CEP63: variants seen among roughly 807,000 people sequenced by gnomAD.
CEP63 encodes centrosomal protein of 63 kDa.
A neutral mutation model predicts 89.1 loss-of-function variants in CEP63; 84 were observed. The observed-to-expected ratio is 0.94, with a 90% CI of 0.79 to 1.13. CEP63 has a LOEUF of 1.13. Among genes scored for constraint, CEP63 ranks in the 50% most tolerant of loss-of-function variants. CEP63 has a pLI of 0.00. For missense variants in CEP63, 838 were observed against 813.3 expected (o/e 1.03, Z -0.37); for synonymous variants, 267 against 272.5 (o/e 0.98, Z 0.20).
Position 134,507,226 on chromosome 3 carries a change from G to C in CEP63, c.162G>C (p.Leu54Phe), listed in dbSNP as rs762347472. The C allele has an allele frequency of 6.8e-6, 11 of 1,613,800 alleles. 1 individual carries two copies. In the South Asian group the frequency reaches 1.1e-4, roughly 16 times the overall value. ...EGRTHALETCLKIREQELKSL... is the reference protein window; with the variant it reads ...EGRTHALETCFKIREQELKSL... ...GTACACATGCTCTAGAAACTTGCTT[G>C]AAAATCCGTGAACAGGAACTTAAGA... The change falls in exon 3 of 15, where the codon TTG (leucine) becomes TTC (phenylalanine). Residue 54 changes from leucine to phenylalanine, a missense_variant. By Grantham distance (22) the Leu-to-Phe change is conservative. Transcript: ENST00000675561.
chr3:134,599,865 T>C, the CEP63 span, among the ~76,000 whole-genome samples: 1 of 152,252 alleles, frequency 6.6e-6, no homozygotes, highest in African/African-American at 2.4e-5. Context: ...TTTTTCCTGT[T>C]TCTCTCCATT....
chr3:134,648,073 G>A, the CEP63 span, among the ~76,000 whole-genome samples: 9 of 152,226 alleles, frequency 5.9e-5, no homozygotes, highest in Admixed American at 2.6e-4. Context: ...GAAAGCTCTC[G>A]CTCTGGCTGC....
chr3:134,743,453 G>C, the CEP63 span, among the ~76,000 whole-genome samples: 1 of 152,158 alleles, frequency 6.6e-6, no homozygotes, highest in Non-Finnish European at 1.5e-5. Context: ...TTTAAATCTA[G>C]GTCAGAGGTA....
chr3:134,765,560 C>T, the CEP63 span, among the ~76,000 whole-genome samples: 1 of 152,046 alleles, frequency 6.6e-6, no homozygotes, highest in East Asian at 1.9e-4. Flanking sequence ...TAGGAGAGAA[C>T]CAGAGGAAGT....
the CEP63 span, among the ~76,000 whole-genome samples, chr3:134,741,512 A>G: frequency 6.6e-6 from 1 of 152,092 alleles, no homozygotes; most frequent in African/African-American, 2.4e-5. Flanking sequence ...GCCCCTGTGG[A>G]TGCTTGAGTC....
the CEP63 span, among the ~76,000 whole-genome samples, chr3:134,697,278 G>A: frequency 6.6e-6 from 1 of 150,956 alleles, no homozygotes; most frequent in Non-Finnish European, 1.5e-5. Flanking sequence ...ACATAAAGAA[G>A]AACTTTTTTT....
the CEP63 span, among the ~76,000 whole-genome samples, chr3:134,605,248 G>T: frequency 6.6e-6 from 1 of 152,124 alleles, no homozygotes; most frequent in East Asian, 1.9e-4. Context: ...GTCCCTCCTG[G>T]CTTCCAGGGC....
downstream of CEP63, among the ~76,000 whole-genome samples, chr3:134,569,441 G>A (rs1225239929): frequency 2.6e-5 from 4 of 152,230 alleles, no homozygotes. Flanking sequence ...AAAACAAGGG[G>A]GCTGCAGGCC....
At position 134,548,935 on chromosome 3, in the gene CEP63, A is replaced by G. The variant is rs146849854; in HGVS notation, c.1068-127A>G. 8.6e-3 allele frequency: 5,651 copies of G among 659,604 alleles called. 52 individuals carry two copies. Among genetic ancestry groups the G allele is most frequent in the Middle Eastern group, 0.017 (42 of 2,468 alleles). 40.9% of individuals were successfully genotyped at this position (659,604 alleles called of 1,614,324 possible). On this transcript the variant is annotated intron_variant, in intron 9 of 14. Transcript: ENST00000675561. ...GATTGGCTTTTTAGTAATATTTTAA[A>G]TGACTGAGGTGATGTTTAAGATATT...
chr3:134,691,853 G>A, the CEP63 span, among the ~76,000 whole-genome samples: 666 of 152,046 alleles, frequency 4.4e-3, 3 homozygotes, highest in African/African-American at 0.015. Context: ...CTGAGTACCT[G>A]GAATTACAGT....
the CEP63 span, chr3:134,610,102 C>G: frequency 6.5e-6 from 9 of 1,376,810 alleles, no homozygotes; most frequent in South Asian, 1.3e-5. Flanking sequence ...CTTCCCCTCC[C>G]GCTTGGTCTT....
the CEP63 span, chr3:134,603,404 G>T: frequency 3.4e-6 from 2 of 586,358 alleles, no homozygotes; most frequent in Non-Finnish European, 5.9e-6. Flanking sequence ...CCTGAGTGAA[G>T]CCTTCAGAAC....
intron 3 of CEP63, among the ~76,000 whole-genome samples, chr3:134,518,395 C>T (rs1287182480): frequency 1.3e-5 from 2 of 152,204 alleles, no homozygotes; most frequent in South Asian, 2.1e-4. Flanking sequence ...CCACTACTGC[C>T]GTAAAGCATG....
the CEP63 span, among the ~76,000 whole-genome samples, chr3:134,704,347 T>C: frequency 6.6e-6 from 1 of 152,156 alleles, no homozygotes; most frequent in Non-Finnish European, 1.5e-5. Context: ...GCCTCATTCA[T>C]GTCTGCATCA....
the CEP63 span, among the ~76,000 whole-genome samples, chr3:134,711,850 C>T: frequency 1.3e-5 from 2 of 151,564 alleles, no homozygotes; most frequent in Middle Eastern, 3.4e-3. Context: ...GTAACCTCTG[C>T]CCCCTGGGTT....
At chr3:134,518,178 A>G (rs1330173714) in intron 3 of CEP63, among the ~76,000 whole-genome samples, 1 of 152,178 alleles carries the variant, frequency 6.6e-6, no homozygotes, top group Non-Finnish European at 1.5e-5. Flanking sequence ...GGCAGAATCA[A>G]GGGAAAAATT....
the CEP63 span, among the ~76,000 whole-genome samples, chr3:134,781,577 A>C: frequency 4.9e-3 from 747 of 152,330 alleles, 7 homozygotes; most frequent in African/African-American, 0.017. Context: ...TGGGTGATGG[A>C]TCATTTGTAC....
the CEP63 span, among the ~76,000 whole-genome samples, chr3:134,736,788 G>T: frequency 6.6e-6 from 1 of 152,156 alleles, no homozygotes; most frequent in Admixed American, 6.5e-5. Context: ...TTGCCAGTTT[G>T]ATTGTAGAAT....
At chr3:134,559,503 G>A (rs1326401168) in intron 14 of CEP63, 74 bp downstream of exon 14, 1 of 1,324,676 alleles carries the variant, frequency 7.5e-7, no homozygotes, top group Non-Finnish European at 1.1e-6. Flanking sequence ...TAAGGGTGAA[G>A]AAGGTGATTT....
Sources: gnomAD v4.1 joint callset for allele counts (sites outside exome capture counted in the v4.1 genomes callset) on GRCh38, gnomAD v4.1.1 for gene constraint, MANE v1.5 for transcripts, NCBI Gene and HGNC (gene_info 2026-07-23, HGNC 2026-07-21) for gene names.